Variants in DMD observed in about 807,000 individuals in gnomAD.
The protein encoded by DMD is dystrophin.
A neutral mutation model predicts 330.1 loss-of-function variants in DMD; 63 were observed. That is an observed-to-expected ratio of 0.19 (90% CI 0.16 to 0.24). DMD has a LOEUF of 0.24. Among genes scored for constraint, DMD ranks in the 10% least tolerant of loss-of-function variants. DMD has a pLI of 1.00. For missense variants in DMD, 3,344 were observed against 2,684.1 expected (o/e 1.25, Z -5.43); for synonymous variants, 1,223 against 959.8 (o/e 1.27, Z -5.07).
In DMD at chrX:31,580,473, A is replaced by T. The variant is rs1225615290; in HGVS notation, c.8217+47200T>A. Among the ~76,000 whole-genome samples the T allele has an allele frequency of 2.7e-5, 3 of 111,622 alleles. No homozygotes were observed. In the Admixed American group the frequency reaches 2.9e-4, roughly 11 times the overall value. On this transcript the variant is annotated intron_variant, in intron 55 of 78. Transcript: ENST00000357033. Reference sequence around the variant, plus strand: ...CAGCTACCCTCCAGATTCCCAAGGGAGCCCAGTCAGAGCAGATAAACTACC... The same window carrying T: ...CAGCTACCCTCCAGATTCCCAAGGGTGCCCAGTCAGAGCAGATAAACTACC...
chrX:31,147,218 T>C, intron 75 of DMD, 57 bp downstream of exon 75: 1 of 1,206,336 alleles, frequency 8.3e-7, no homozygotes, highest in South Asian at 1.8e-5. Flanking sequence ...CTCTGAGGTT[T>C]AGTTTTGTTT....
chrX:32,615,391 G>C (rs1391548050), intron 11 of DMD, among the ~76,000 whole-genome samples: 1 of 110,947 alleles, frequency 9.0e-6, no homozygotes, highest in African/African-American at 3.3e-5. Context: ...CCAGCATCAG[G>C]GACATGGGAT....
At chrX:32,864,191 A>T (rs772864882) in intron 2 of DMD, among the ~76,000 whole-genome samples, 5 of 111,541 alleles carry the variant, frequency 4.5e-5, no homozygotes, top group African/African-American at 1.7e-4. Context: ...GGTTTATGTC[A>T]GCGCTACTTC....
At chrX:31,679,307 C>T (rs2082248475) in intron 53 of DMD, 68 bp downstream of exon 53, 2 of 928,989 alleles carry the variant, frequency 2.2e-6, no homozygotes, top group East Asian at 3.4e-5. Context: ...CATTAAATTA[C>T]AATCTATGGT....
At chrX:32,407,935 G>A (rs1273987411) in intron 30 of DMD, among the ~76,000 whole-genome samples, 2 of 90,541 alleles carry the variant, frequency 2.2e-5, no homozygotes, top group Non-Finnish European at 4.2e-5. Flanking sequence ...AGAACACATG[G>A]ACACAGGAAG....
intron 2 of DMD, among the ~76,000 whole-genome samples, chrX:32,987,981 A>ATG (rs908356226): frequency 3.7e-5 from 4 of 108,978 alleles, no homozygotes; most frequent in Non-Finnish European, 5.7e-5. Context: ...ATACATATAT[A>ATG]TGTGTATATA....
chrX:31,386,838 T>C (rs936979141), intron 60 of DMD, among the ~76,000 whole-genome samples: 6 of 112,013 alleles, frequency 5.4e-5, no homozygotes, highest in Non-Finnish European at 1.1e-4. Flanking sequence ...GTTTTTTTAA[T>C]AGGCTTCATT....
chrX:33,082,123 G>T (rs922867523), intron 1 of DMD, among the ~76,000 whole-genome samples: 1 of 110,769 alleles, frequency 9.0e-6, no homozygotes, highest in Admixed American at 9.7e-5. Context: ...TAATTCAGTC[G>T]GCTGAGAAGA....
At chrX:31,575,225 T>C (rs1036258770) in intron 55 of DMD, among the ~76,000 whole-genome samples, 1 of 112,002 alleles carries the variant, frequency 8.9e-6, no homozygotes, top group Non-Finnish European at 1.9e-5. Context: ...AAACTAGTTA[T>C]GGAAATTCTC....
At chrX:32,361,903 G>C (rs1433301541) in intron 37 of DMD, among the ~76,000 whole-genome samples, 1 of 110,036 alleles carries the variant, frequency 9.1e-6, no homozygotes, top group Admixed American at 9.7e-5. Context: ...TTTTATGTTT[G>C]AAAGCATATC....
intron 2 of DMD, among the ~76,000 whole-genome samples, chrX:32,854,261 A>T (rs143144561): frequency 5.9e-4 from 66 of 111,553 alleles, no homozygotes; most frequent in African/African-American, 2.0e-3. Context: ...TCATCACCAC[A>T]TGGAGGATTC....
chrX:32,237,380 T>C (rs759472803), intron 43 of DMD, among the ~76,000 whole-genome samples: 1 of 110,890 alleles, frequency 9.0e-6, no homozygotes, highest in East Asian at 2.8e-4. Flanking sequence ...GGTAACAAAA[T>C]TCCTGGAGCA....
At chrX:31,192,998 T>C (rs2042537097) in intron 67 of DMD, among the ~76,000 whole-genome samples, 1 of 111,854 alleles carries the variant, frequency 8.9e-6, no homozygotes, top group African/African-American at 3.3e-5. Context: ...ACAACACTGA[T>C]AAATGCATAC....
At chrX:31,664,087 C>T (rs2081281254) in intron 53 of DMD, among the ~76,000 whole-genome samples, 1 of 111,604 alleles carries the variant, frequency 9.0e-6, no homozygotes, top group African/African-American at 3.3e-5. Context: ...ATGCGCCTTG[C>T]TTTGCCTAAT....
At chrX:32,865,173 T>C (rs934697439) in intron 2 of DMD, among the ~76,000 whole-genome samples, 2 of 111,712 alleles carry the variant, frequency 1.8e-5, no homozygotes, top group African/African-American at 6.5e-5. Flanking sequence ...GTAACCAGTA[T>C]TATGCATCAT....
In DMD at chrX:32,348,861, G is replaced by C. The variant is rs142364657; in HGVS notation, c.5326-333C>G. ...AATTTGACCTTATTTTAAATATTCT[G>C]ATATAAATACATTTGGGTAAATATG... On this transcript the variant is annotated intron_variant, in intron 37 of 78. Transcript: ENST00000357033. Among the ~76,000 whole-genome samples, 361 of 111,372 alleles carry C rather than the reference G, an allele frequency of 3.2e-3. 12 individuals are homozygous for C. In the East Asian group the frequency reaches 0.088, roughly 27 times the overall value.
At chrX:31,245,680 T>C (rs1051117765) in intron 63 of DMD, among the ~76,000 whole-genome samples, 1 of 111,556 alleles carries the variant, frequency 9.0e-6, no homozygotes, top group Non-Finnish European at 1.9e-5. Flanking sequence ...TTATATCTAT[T>C]ATGGTGAATC....
intron 54 of DMD, among the ~76,000 whole-genome samples, chrX:31,643,794 T>C (rs1023319206): frequency 5.4e-5 from 6 of 112,047 alleles, no homozygotes; most frequent in African/African-American, 1.9e-4. Context: ...CTGATATTAA[T>C]AGAATATTAT....
rs193012335 is a variant in DMD at position 31,673,972 on chromosome X, C to T, written c.7872+5403G>A. Among the ~76,000 whole-genome samples, 731 of 111,375 alleles carry T rather than the reference C, an allele frequency of 6.6e-3. 3 individuals are homozygous for T. Among genetic ancestry groups the T allele is most frequent in the Non-Finnish European group, 0.011 (577 of 53,051 alleles). On this transcript the variant is annotated intron_variant, in intron 53 of 78. Transcript: ENST00000357033. ...TCTTTTCTCTTTAATCACATAGAAG[C>T]TTTAGGGGAGAACAAAAGGGAATAA...
Sources: gnomAD v4.1 joint callset for allele counts (sites outside exome capture counted in the v4.1 genomes callset) on GRCh38, gnomAD v4.1.1 for gene constraint, MANE v1.5 for transcripts, NCBI Gene and HGNC (gene_info 2026-07-23, HGNC 2026-07-21) for gene names.